SLTM: variants seen among roughly 807,000 people sequenced by gnomAD.
SLTM encodes SAFB-like transcription modulator.
A neutral mutation model predicts 134.6 loss-of-function variants in SLTM; 43 were observed. The ratio of observed to expected loss-of-function variants is 0.32; its 90% CI spans 0.25 to 0.41. The LOEUF (loss-of-function observed/expected upper bound fraction) is 0.41, where lower values mean the gene tolerates loss of function less well. Among genes scored for constraint, SLTM ranks in the 10% least tolerant of loss-of-function variants. The pLI, the probability that SLTM is intolerant of heterozygous loss-of-function variation, is 1.00. For missense variants in SLTM, 1,055 were observed against 1,288.8 expected (o/e 0.82, Z 2.78); for synonymous variants, 424 against 432.3 (o/e 0.98, Z 0.24).
chr15:58,922,268 T>C (rs1317683932), intron 2 of SLTM, among the ~76,000 whole-genome samples: 1 of 144,500 alleles, frequency 6.9e-6, no homozygotes, highest in Non-Finnish European at 1.5e-5. Flanking sequence ...TCCCAGCTAT[T>C]TGGGAGGCTG....
At chr15:58,925,038 C>T (rs1454939641) in intron 2 of SLTM, among the ~76,000 whole-genome samples, 1 of 150,612 alleles carries the variant, frequency 6.6e-6, no homozygotes, top group African/African-American at 2.5e-5. Flanking sequence ...AGTAACTTTT[C>T]CCCTTAAACA....
intron 2 of SLTM, among the ~76,000 whole-genome samples, chr15:58,925,867 G>T (rs552599121): frequency 3.3e-5 from 5 of 152,218 alleles, no homozygotes; most frequent in African/African-American, 1.2e-4. Flanking sequence ...CCAGTAAAAA[G>T]AAAATAGTCC....
chr15:58,901,723 T>C (rs1307951825), intron 5 of SLTM, among the ~76,000 whole-genome samples: 1 of 152,148 alleles, frequency 6.6e-6, no homozygotes, highest in Non-Finnish European at 1.5e-5. Flanking sequence ...AGTGCTTGAA[T>C]ACACAGTAAT....
At position 58,887,317 on chromosome 15, in the gene SLTM, G is replaced by A. The variant is rs771061663; in HGVS notation, c.2599C>T (p.Pro867Ser). The part of the protein sequence containing the change: ...IIHDRPDITH[P>S]RHPREAGPNP... Reference sequence around the variant, plus strand: ...GGCCCTGCCTCTCGAGGATGTCTAGGATGAGTGATATCAGGCCTGTCATGA... The same window carrying A: ...GGCCCTGCCTCTCGAGGATGTCTAGAATGAGTGATATCAGGCCTGTCATGA... Residue 867 changes from proline (P) to serine (S), a missense_variant, in exon 18 of 21, where the codon CCT becomes TCT. Pro to Ser is a moderately conservative substitution (Grantham distance 74). Around this residue, in one of 3 missense-constraint regions of SLTM, gnomAD observed 776 missense variants for 962.2 expected, o/e 0.81. Coordinates refer to ENST00000380516, the MANE Select transcript of SLTM (RefSeq NM_024755.4). 3 of 1,613,936 alleles carry A rather than the reference G, an allele frequency of 1.9e-6. No homozygotes were observed. In the African/African-American group the frequency reaches 4.0e-5, roughly 22 times the overall value.
chr15:58,909,880 C>T (rs2036135153), intron 5 of SLTM, among the ~76,000 whole-genome samples: 1 of 152,190 alleles, frequency 6.6e-6, no homozygotes, highest in South Asian at 2.1e-4. Context: ...TTTTTGCCAA[C>T]CCTTGCTCTA....
chr15:58,890,736 A>G (rs966971920), intron 14 of SLTM, among the ~76,000 whole-genome samples: 8 of 152,228 alleles, frequency 5.3e-5, no homozygotes, highest in African/African-American at 1.9e-4. Flanking sequence ...AAAAATTACT[A>G]TAATAGTCCA....
intron 3 of SLTM, 168 bp from the exon 4 acceptor site, chr15:58,913,864 G>A (rs1034035262): frequency 4.0e-5 from 21 of 521,382 alleles, no homozygotes; most frequent in Non-Finnish European, 5.7e-5. Context: ...TTAAAAATAG[G>A]TCTAATACCA....
chr15:58,912,852 G>A, intron 4 of SLTM: 1 of 432,416 alleles, frequency 2.3e-6, no homozygotes, highest in Non-Finnish European at 4.3e-6. Flanking sequence ...AGGTAGAAGG[G>A]AAGTGTTTTA....
At chr15:58,933,306 A>AGCGGCTGCGGGCAGCCG in intron 1 of SLTM, 98 bp downstream of exon 1, 1 of 1,359,074 alleles carries the variant, frequency 7.4e-7, no homozygotes. Flanking sequence ...CGCAGGTCCC[A>AGCGGCTGCGGGCAGCCG]GCGGCTGCGG....
intron 6 of SLTM, among the ~76,000 whole-genome samples, chr15:58,900,235 G>A (rs1270667559): frequency 6.6e-6 from 1 of 152,102 alleles, no homozygotes; most frequent in Non-Finnish European, 1.5e-5. Context: ...ATGGCATATG[G>A]AAGATTTTGT....
intron 2 of SLTM, among the ~76,000 whole-genome samples, chr15:58,930,482 T>C (rs1398543075): frequency 6.6e-6 from 1 of 151,638 alleles, no homozygotes; most frequent in African/African-American, 2.4e-5. Flanking sequence ...AACATCAGAG[T>C]TATGGAATAA....
intron 17 of SLTM, among the ~76,000 whole-genome samples, chr15:58,888,063 A>G (rs1006914513): frequency 2.6e-5 from 4 of 152,204 alleles, no homozygotes; most frequent in Non-Finnish European, 4.4e-5. Context: ...CTGAGGCACA[A>G]GAATCGTTTG....
chr15:58,901,288 C>T lies in SLTM; in HGVS notation c.562-1G>A, dbSNP rs758896616. 1 of 1,604,026 alleles carries T rather than the reference C, an allele frequency of 6.2e-7. No homozygotes were observed. The highest frequency in any genetic ancestry group is 8.5e-7 in the Non-Finnish European group (1 of 1,175,576). On this transcript the variant is annotated splice_acceptor_variant, in intron 5 of 20. Coordinates refer to ENST00000380516, the MANE Select transcript of SLTM (RefSeq NM_024755.4). LOFTEE classifies it high-confidence loss of function. ...TCTCATTTTCTTCTTCCTCACCATC[C>T]TGAAATTCAAAGAATAATCAAATGT...
chr15:58,926,315 C>G (rs1186228004), intron 2 of SLTM, among the ~76,000 whole-genome samples: 1 of 152,110 alleles, frequency 6.6e-6, no homozygotes, highest in Non-Finnish European at 1.5e-5. Context: ...CAACAAAACA[C>G]CATGTATGGT....
rs112196913 is a variant in SLTM, at chr15:58,883,872, C to T, written c.2836-86G>A. 1.8e-3 allele frequency: 2,670 copies of T among 1,460,142 alleles called. 38 individuals are homozygous for T. The African/African-American group carries it at 0.033, about 18-fold the overall frequency. 90.4% of individuals were successfully genotyped at this position (1,460,142 alleles called of 1,614,324 possible). ...CAGCACTTTGGGAGGCTGAGGCAGG[C>T]GGATCACCTGAGGTCAGGAGTTCGA... On this transcript the variant is annotated intron_variant, in intron 19 of 20. Coordinates refer to ENST00000380516, the MANE Select transcript of SLTM (RefSeq NM_024755.4).
At chr15:58,890,776 A>G (rs1180486352) in intron 14 of SLTM, among the ~76,000 whole-genome samples, 1 of 152,196 alleles carries the variant, frequency 6.6e-6, no homozygotes, top group Non-Finnish European at 1.5e-5. Context: ...GAAGGATGTA[A>G]TCTGCATATG....
chr15:58,890,785 T>C (rs1261517578), intron 14 of SLTM, among the ~76,000 whole-genome samples: 2 of 152,232 alleles, frequency 1.3e-5, no homozygotes, highest in Admixed American at 6.5e-5. Flanking sequence ...AATCTGCATA[T>C]GTAAATTTAC....
At chr15:58,890,906 C>T (rs28587754) in intron 14 of SLTM, among the ~76,000 whole-genome samples, 2 of 152,240 alleles carry the variant, frequency 1.3e-5, no homozygotes, top group African/African-American at 2.4e-5. Context: ...GGGATCATAA[C>T]AATGAACATC....
chr15:58,894,855 C>G (rs892080005), intron 9 of SLTM, among the ~76,000 whole-genome samples: 18 of 152,054 alleles, frequency 1.2e-4, no homozygotes, highest in African/African-American at 4.3e-4. Context: ...CAGGCATGCA[C>G]CACCATGCCC....
Sources: gnomAD v4.1 joint callset for allele counts (sites outside exome capture counted in the v4.1 genomes callset) on GRCh38, gnomAD v4.1.1 for gene constraint, gnomAD v4.1.1 regional missense constraint, MANE v1.5 for transcripts, NCBI Gene and HGNC (gene_info 2026-07-23, HGNC 2026-07-21) for gene names.